Variants in FAAP20 observed in about 807,000 individuals in gnomAD.
FAAP20 encodes the protein Fanconi anemia core complex-associated protein 20.
A neutral mutation model predicts 16.2 loss-of-function variants in FAAP20; 12 were observed. The observed-to-expected ratio is 0.74, with a 90% CI of 0.48 to 1.20. The LOEUF (loss-of-function observed/expected upper bound fraction) is 1.20, where lower values mean the gene tolerates loss of function less well. FAAP20 is among the 50% of genes most tolerant of loss of function. FAAP20 has a pLI of 0.00. For synonymous variants in FAAP20, 141 were observed against 110.7 expected (o/e 1.27, Z -1.72); for missense variants, 288 against 245.8 (o/e 1.17, Z -1.15).
upstream of FAAP20, chr1:2,203,613 T>C: frequency 4.1e-6 from 4 of 985,922 alleles, no homozygotes; most frequent in Non-Finnish European, 4.8e-6. Flanking sequence ...GACTCCAGGA[T>C]GCAGCTGCGT....
downstream of FAAP20, among the ~76,000 whole-genome samples, chr1:2,211,346 C>T (rs1405786078): frequency 2.3e-5 from 3 of 132,670 alleles, no homozygotes; most frequent in Non-Finnish European, 4.7e-5. Context: ...TCTCCTGCCT[C>T]AGCCTCCCAA....
chr1:2,210,498 G>T (rs2100769441), downstream of FAAP20, among the ~76,000 whole-genome samples: 1 of 152,274 alleles, frequency 6.6e-6, no homozygotes, highest in East Asian at 1.9e-4. Context: ...GGTGGGGGTG[G>T]GGCTGATCTA....
chr1:2,201,173 A>T (rs1343244396), upstream of FAAP20: 3 of 1,261,614 alleles, frequency 2.4e-6, no homozygotes, highest in African/African-American at 4.6e-5. Flanking sequence ...TGACGTGCAG[A>T]CCTTCACAGA....
intron 3 of FAAP20, chr1:2,193,163 G>T: frequency 2.7e-6 from 1 of 374,998 alleles, no homozygotes; most frequent in Non-Finnish European, 4.8e-6. Context: ...GGCAGTTTGG[G>T]TTATCTTGTT....
At chr1:2,195,304 T>C (rs1191258564), upstream of FAAP20, among the ~76,000 whole-genome samples, 1 of 151,868 alleles carries the variant, frequency 6.6e-6, no homozygotes, top group Non-Finnish European at 1.5e-5. Flanking sequence ...TGGGGGCAGC[T>C]GAGGGGCTTT....
downstream of FAAP20, chr1:2,187,303 C>CTTTTTCTTTTTTTTT: frequency 3.0e-6 from 1 of 329,954 alleles, no homozygotes; most frequent in African/African-American, 2.4e-5. Context: ...TTTTCTTTTT[C>CTTTTTCTTTTTTTTT]TTTTTTTTTT....
chr1:2,190,630 G>A (rs1414694169), intron 3 of FAAP20: 1 of 350,096 alleles, frequency 2.9e-6, no homozygotes, highest in Admixed American at 3.8e-5. Flanking sequence ...GCTCAGCAGA[G>A]CTGCCGGGGA....
chr1:2,197,105 C>T (rs1026633592), upstream of FAAP20, among the ~76,000 whole-genome samples: 12 of 152,328 alleles, frequency 7.9e-5, no homozygotes, highest in South Asian at 4.1e-4. Flanking sequence ...CCATCTCCTT[C>T]CCTGCCTGGG....
At chr1:2,199,499 T>C, upstream of FAAP20, 1 of 988,596 alleles carries the variant, frequency 1.0e-6, no homozygotes, top group Non-Finnish European at 1.2e-6. This position sits in a 1 kb window ranked among gnomAD's most constrained non-coding sequence, Gnocchi z 4.5. Flanking sequence ...AGGGCGGTCC[T>C]GTGTGCTCTG....
chr1:2,204,796 C>T (rs982879148), upstream of FAAP20, among the ~76,000 whole-genome samples: 4 of 152,164 alleles, frequency 2.6e-5, no homozygotes, highest in Non-Finnish European at 5.9e-5. Flanking sequence ...TTGGTTTCCT[C>T]CCGCCGCCGG....
chr1:2,199,164 C>A, upstream of FAAP20: 1 of 1,179,762 alleles, frequency 8.5e-7, no homozygotes. This position sits in a 1 kb window ranked among gnomAD's most constrained non-coding sequence, Gnocchi z 4.5. Flanking sequence ...GAACCCCATC[C>A]CAGCCATGGC....
At chr1:2,195,851 T>C (rs1477146396), upstream of FAAP20, among the ~76,000 whole-genome samples, 1 of 152,184 alleles carries the variant, frequency 6.6e-6, no homozygotes, top group Non-Finnish European at 1.5e-5. Context: ...TCCGCACACC[T>C]TCCTGCTCTA....
At chr1:2,199,579 C>A (rs1688965885), upstream of FAAP20, 1 of 985,676 alleles carries the variant, frequency 1.0e-6, no homozygotes, top group South Asian at 4.7e-5. The surrounding 1 kb of genome is among the most constrained non-coding windows in gnomAD (Gnocchi z 4.5). Flanking sequence ...TCTCAGGGCA[C>A]CCCTCCTCTG....
At chr1:2,188,967 T>C (rs1038632734), downstream of FAAP20, among the ~76,000 whole-genome samples, 1 of 140,734 alleles carries the variant, frequency 7.1e-6, no homozygotes, top group African/African-American at 2.7e-5. Context: ...ATCGCGCCAC[T>C]GCACTCCAGC....
chr1:2,199,699 G>A, upstream of FAAP20: 2 of 921,206 alleles, frequency 2.2e-6, no homozygotes, highest in Non-Finnish European at 2.6e-6. This position sits in a 1 kb window ranked among gnomAD's most constrained non-coding sequence, Gnocchi z 4.5. Context: ...CGGAAGCAAG[G>A]TCTGTGCCGA....
At chr1:2,189,259 G>T (rs377648296), downstream of FAAP20, among the ~76,000 whole-genome samples, 5 of 150,314 alleles carry the variant, frequency 3.3e-5, no homozygotes, top group South Asian at 6.3e-4. Context: ...TCAAGCCCAG[G>T]AGTCTGAGGC....
At chr1:2,185,500 G>A (rs899031972), downstream of FAAP20, 17 of 717,572 alleles carry the variant, frequency 2.4e-5, no homozygotes, top group South Asian at 1.0e-4. Context: ...AGGTGGGGGC[G>A]GGAGTTGAAG....
chr1:2,193,543 C>G, intron 3 of FAAP20, 96 bp downstream of exon 3: 1 of 1,523,804 alleles, frequency 6.6e-7, no homozygotes, highest in Non-Finnish European at 8.7e-7. Context: ...GCTTTAAAAG[C>G]CAGCGCTGAG....
chr1:2,210,518 T>C (rs1456626111), downstream of FAAP20, among the ~76,000 whole-genome samples: 4 of 152,088 alleles, frequency 2.6e-5, no homozygotes, highest in Non-Finnish European at 4.4e-5. Context: ...AGTCACAGGC[T>C]CTGCTTCGGC....
Sources: gnomAD v4.1 joint callset for allele counts (sites outside exome capture counted in the v4.1 genomes callset) on GRCh38, gnomAD v4.1.1 for gene constraint, Gnocchi (gnomAD v3.1) non-coding constraint, MANE v1.5 for transcripts, NCBI Gene and HGNC (gene_info 2026-07-23, HGNC 2026-07-21) for gene names.